The following FRMD4B variants were observed in gnomAD, a reference collection of about 807,000 sequenced individuals.
The protein encoded by FRMD4B is FERM domain-containing protein 4B.
A neutral mutation model predicts 141.5 loss-of-function variants in FRMD4B; 74 were observed. The observed-to-expected ratio is 0.52, with a 90% CI of 0.43 to 0.63. The LOEUF is 0.63. Ranked by LOEUF, FRMD4B falls within the 30% of genes least tolerant of loss-of-function variation. The pLI is 0.00. For synonymous variants in FRMD4B, 506 were observed against 467.9 expected (o/e 1.08, Z -1.05); for missense variants, 1,366 against 1,253.4 (o/e 1.09, Z -1.36).
intron 1 of FRMD4B, among the ~76,000 whole-genome samples, chr3:69,500,463 A>G (rs1012864264): frequency 6.6e-6 from 1 of 152,068 alleles, no homozygotes; most frequent in African/African-American, 2.4e-5. Context: ...GGCATAGAGG[A>G]GAGTTTCAGT....
chr3:69,317,880 G>A (rs928026394), intron 1 of FRMD4B, among the ~76,000 whole-genome samples: 3 of 151,846 alleles, frequency 2.0e-5, no homozygotes, highest in Non-Finnish European at 4.4e-5. Flanking sequence ...TCACTGATCC[G>A]GGTGAATTTT....
intron 1 of FRMD4B, among the ~76,000 whole-genome samples, chr3:69,438,196 T>G (rs1705291094): frequency 6.6e-6 from 1 of 151,486 alleles, no homozygotes; most frequent in Admixed American, 6.6e-5. Context: ...CTCGAACCTC[T>G]TGGCTCATGT....
intron 7 of FRMD4B, among the ~76,000 whole-genome samples, chr3:69,248,910 T>C (rs547299780): frequency 3.3e-5 from 5 of 152,260 alleles, no homozygotes; most frequent in Non-Finnish European, 7.3e-5. Context: ...TGTAAGGTTT[T>C]TTTTTATCAG....
intron 1 of FRMD4B, among the ~76,000 whole-genome samples, chr3:69,510,646 C>G (rs1706672636): frequency 6.6e-6 from 1 of 152,152 alleles, no homozygotes; most frequent in Non-Finnish European, 1.5e-5. Flanking sequence ...ACAGGCCAGG[C>G]AACAAGCAAG....
chr3:69,224,875 T>C (rs2107759099), intron 7 of FRMD4B, among the ~76,000 whole-genome samples, 185 bp from the exon 8 acceptor site: 1 of 140,684 alleles, frequency 7.1e-6, no homozygotes, highest in South Asian at 2.6e-4. Flanking sequence ...TGATGAGATG[T>C]TGAAGTTTAT....
At chr3:69,425,380 A>G (rs1450418963) in intron 2 of FRMD4B, among the ~76,000 whole-genome samples, 1 of 152,204 alleles carries the variant, frequency 6.6e-6, no homozygotes, top group Non-Finnish European at 1.5e-5. Context: ...ACTCCCCAAA[A>G]GTGAAGAGAG....
chr3:69,451,146 G>A (rs1010194261), intron 1 of FRMD4B, among the ~76,000 whole-genome samples: 1 of 152,124 alleles, frequency 6.6e-6, no homozygotes, highest in Non-Finnish European at 1.5e-5. Flanking sequence ...TCCACATCAG[G>A]GTAATATCAG....
At chr3:69,259,132 C>T (rs2093510546) in intron 5 of FRMD4B, among the ~76,000 whole-genome samples, 1 of 152,176 alleles carries the variant, frequency 6.6e-6, no homozygotes, top group South Asian at 2.1e-4. Context: ...TAGACCATCC[C>T]ACCTGGGGGT....
intron 1 of FRMD4B, among the ~76,000 whole-genome samples, chr3:69,467,253 G>A (rs1470368126): frequency 6.6e-6 from 1 of 152,180 alleles, no homozygotes; most frequent in Non-Finnish European, 1.5e-5. Flanking sequence ...CTGGAAGGAA[G>A]CTAATAAAGC....
At chr3:69,455,319 C>G (rs563783157) in intron 1 of FRMD4B, among the ~76,000 whole-genome samples, 3 of 152,318 alleles carry the variant, frequency 2.0e-5, no homozygotes, top group Non-Finnish European at 4.4e-5. Flanking sequence ...TTCTTTCACT[C>G]TTTGCAATAA....
At chr3:69,233,951 C>G (rs767916177) in intron 7 of FRMD4B, among the ~76,000 whole-genome samples, 4 of 152,060 alleles carry the variant, frequency 2.6e-5, no homozygotes, top group Non-Finnish European at 4.4e-5. Flanking sequence ...ATAGCAGCTA[C>G]AAAAGTTTAT....
chr3:69,404,859 C>T (rs11128129), intron 2 of FRMD4B, among the ~76,000 whole-genome samples: 47,646 of 151,954 alleles, frequency 0.31, 8,146 homozygotes, highest in Admixed American at 0.41. Flanking sequence ...GGTATGGTTA[C>T]CAGGAGGGCA....
intron 11 of FRMD4B, among the ~76,000 whole-genome samples, chr3:69,201,668 A>G (rs1345103760): frequency 6.6e-6 from 1 of 152,196 alleles, no homozygotes; most frequent in Non-Finnish European, 1.5e-5. Context: ...TGCTGAAATC[A>G]TTCTCCTACT....
intron 1 of FRMD4B, among the ~76,000 whole-genome samples, chr3:69,441,656 C>T (rs146364631): frequency 5.9e-5 from 9 of 152,328 alleles, no homozygotes; most frequent in East Asian, 1.9e-4. Context: ...CCAGAACCTA[C>T]AGCAATTCCT....
intron 1 of FRMD4B, among the ~76,000 whole-genome samples, chr3:69,321,261 A>T (rs1220259771): frequency 6.6e-6 from 1 of 152,226 alleles, no homozygotes; most frequent in African/African-American, 2.4e-5. Flanking sequence ...ATAGCTACAA[A>T]AAAAGACCAA....
intron 1 of FRMD4B, among the ~76,000 whole-genome samples, chr3:69,346,267 G>C (rs572316314): frequency 6.6e-6 from 1 of 152,038 alleles, no homozygotes; most frequent in Non-Finnish European, 1.5e-5. Context: ...GAAGCGAGAA[G>C]AGAAGTTTAG....
intron 12 of FRMD4B, among the ~76,000 whole-genome samples, chr3:69,197,471 CATT>C (rs1349583450): frequency 5.3e-5 from 8 of 151,844 alleles, no homozygotes; most frequent in Non-Finnish European, 1.0e-4. Context: ...CCGGCTCTGA[CATT>C]ATCAGAGAAT....
At chr3:69,339,472 G>T (rs1179182537) in intron 1 of FRMD4B, among the ~76,000 whole-genome samples, 1 of 152,140 alleles carries the variant, frequency 6.6e-6, no homozygotes, top group Non-Finnish European at 1.5e-5. Flanking sequence ...CCACAGAACT[G>T]AGAAGGCAAC....
intron 1 of FRMD4B, among the ~76,000 whole-genome samples, chr3:69,365,046 C>T (rs2107474555): frequency 6.6e-6 from 1 of 152,252 alleles, no homozygotes; most frequent in East Asian, 1.9e-4. Context: ...CTATTCTCAG[C>T]CATTTCTAAA....
Sources: gnomAD v4.1 joint callset for allele counts (sites outside exome capture counted in the v4.1 genomes callset) on GRCh38, gnomAD v4.1.1 for gene constraint, MANE v1.5 for transcripts, NCBI Gene and HGNC (gene_info 2026-07-23, HGNC 2026-07-21) for gene names.